Variants in ARK2N observed in about 807,000 individuals in gnomAD.
ARK2N encodes the protein protein ARK2N.
the ARK2N span, among the ~76,000 whole-genome samples, chr18:46,193,452 G>A: frequency 1.3e-5 from 2 of 151,794 alleles, no homozygotes; most frequent in Admixed American, 6.6e-5. Context: ...AGCATGCTCA[G>A]CTAATTTTGT....
chr18:46,262,670 A>G, the ARK2N span, among the ~76,000 whole-genome samples: 1 of 152,186 alleles, frequency 6.6e-6, no homozygotes, highest in Non-Finnish European at 1.5e-5. Flanking sequence ...ATGGTCAGTG[A>G]CACAACTCAG....
At chr18:46,250,194 C>T in the ARK2N span, among the ~76,000 whole-genome samples, 1 of 152,232 alleles carries the variant, frequency 6.6e-6, no homozygotes, top group Non-Finnish European at 1.5e-5. Context: ...TCTGCTTACT[C>T]CGTGATAGTT....
chr18:46,209,356 G>A, the ARK2N span, among the ~76,000 whole-genome samples: 4 of 143,934 alleles, frequency 2.8e-5, no homozygotes, highest in Non-Finnish European at 4.5e-5. Flanking sequence ...AAGCTTTGCT[G>A]ACCAAGAAGG....
the ARK2N span, among the ~76,000 whole-genome samples, chr18:46,184,728 A>T: frequency 6.6e-6 from 1 of 150,698 alleles, no homozygotes. Context: ...GTCTCTAACA[A>T]CAACAACAAC....
chr18:46,229,005 G>C, the ARK2N span: 1 of 384,990 alleles, frequency 2.6e-6, no homozygotes, highest in Non-Finnish European at 4.6e-6. Flanking sequence ...TTGGCAGAAA[G>C]ATAAGGAATG....
chr18:46,207,501 C>T, the ARK2N span, among the ~76,000 whole-genome samples: 33 of 151,602 alleles, frequency 2.2e-4, no homozygotes, highest in Admixed American at 2.0e-3. Context: ...GCCATTCTCC[C>T]GTCTCAGCCT....
At chr18:46,198,048 T>A in the ARK2N span, among the ~76,000 whole-genome samples, 1 of 152,108 alleles carries the variant, frequency 6.6e-6, no homozygotes, top group Admixed American at 6.6e-5. Flanking sequence ...ACGCCTATAA[T>A]CCCAGCACTG....
the ARK2N span, among the ~76,000 whole-genome samples, chr18:46,256,430 T>C: frequency 6.6e-6 from 1 of 151,090 alleles, no homozygotes; most frequent in Non-Finnish European, 1.5e-5. Context: ...AAAAAAAATA[T>C]TTTTGTATCT....
the ARK2N span, among the ~76,000 whole-genome samples, chr18:46,248,194 T>A: frequency 6.6e-6 from 1 of 152,018 alleles, no homozygotes; most frequent in Admixed American, 6.5e-5. Context: ...TGGAGATGAG[T>A]AATTTATAAG....
chr18:46,190,544 T>C, the ARK2N span, among the ~76,000 whole-genome samples: 111,884 of 151,436 alleles, frequency 0.74, 41,428 homozygotes, highest in Middle Eastern at 0.77. Flanking sequence ...TGCAAATATG[T>C]GGTAAAACAT....
the ARK2N span, chr18:46,264,550 A>G: frequency 6.6e-6 from 1 of 152,368 alleles, no homozygotes; most frequent in Admixed American, 6.6e-5. Flanking sequence ...GAGTATGAGA[A>G]TTACCATTTT....
At chr18:46,202,670 C>T in the ARK2N span, among the ~76,000 whole-genome samples, 1 of 151,040 alleles carries the variant, frequency 6.6e-6, no homozygotes, top group Admixed American at 6.6e-5. Context: ...TGCCTGTAAT[C>T]CCGGCTACTC....
the ARK2N span, among the ~76,000 whole-genome samples, chr18:46,220,668 A>C: frequency 6.6e-6 from 1 of 152,190 alleles, no homozygotes; most frequent in South Asian, 2.1e-4. Flanking sequence ...TAACCAGAAC[A>C]CTAAATATTC....
chr18:46,238,367 C>T, the ARK2N span, among the ~76,000 whole-genome samples: 1 of 152,184 alleles, frequency 6.6e-6, no homozygotes. Flanking sequence ...AGTATTTGGA[C>T]ATCACACAGT....
At chr18:46,195,580 T>C in the ARK2N span, among the ~76,000 whole-genome samples, 2 of 131,528 alleles carry the variant, frequency 1.5e-5, no homozygotes, top group African/African-American at 6.4e-5. Flanking sequence ...TTTTTTTTTT[T>C]TTTTTTTTTT....
chr18:46,230,255 A>G, the ARK2N span, among the ~76,000 whole-genome samples: 1 of 152,196 alleles, frequency 6.6e-6, no homozygotes, highest in Non-Finnish European at 1.5e-5. Flanking sequence ...TACATTTTTT[A>G]CATGACTAGT....
the ARK2N span, among the ~76,000 whole-genome samples, chr18:46,213,760 G>C: frequency 5.0e-4 from 76 of 152,224 alleles, no homozygotes; most frequent in African/African-American, 1.8e-3. Flanking sequence ...GCAGTGGCGT[G>C]ATCTTGGCTC....
the ARK2N span, among the ~76,000 whole-genome samples, chr18:46,186,271 C>G: frequency 7.3e-5 from 11 of 151,488 alleles, no homozygotes; most frequent in Admixed American, 7.3e-4. Context: ...TCTCGGCTCA[C>G]TGCAGCCTCC....
the ARK2N span, among the ~76,000 whole-genome samples, chr18:46,202,405 T>C: frequency 6.6e-6 from 1 of 152,216 alleles, no homozygotes; most frequent in East Asian, 1.9e-4. Context: ...TATTTGTGTG[T>C]AGTTAGCATG....
Sources: gnomAD v4.1 joint callset for allele counts (sites outside exome capture counted in the v4.1 genomes callset) on GRCh38, gnomAD v4.1.1 for gene constraint, MANE v1.5 for transcripts, NCBI Gene and HGNC (gene_info 2026-07-23, HGNC 2026-07-21) for gene names.